ATP8A2: variants seen among roughly 807,000 people sequenced by gnomAD.
ATP8A2 encodes the protein phospholipid-transporting ATPase IB.
In ATP8A2, 100 loss-of-function variants were observed where a neutral mutation model predicts 165.6. The observed-to-expected ratio is 0.60, with a 90% CI of 0.51 to 0.71. The LOEUF is 0.71. ATP8A2 is among the 30% of genes least tolerant of loss of function. The pLI is 0.00. For synonymous variants in ATP8A2, 543 were observed against 548.8 expected, an observed-to-expected ratio of 0.99 and a Z score of 0.15; for missense variants, 1,227 against 1,479.5, an observed-to-expected ratio of 0.83 and a Z score of 2.80.
At chr13:25,421,273 A>G (rs1354909359) in intron 1 of ATP8A2, among the ~76,000 whole-genome samples, 1 of 152,190 alleles carries the variant, frequency 6.6e-6, no homozygotes, top group African/African-American at 2.4e-5. Flanking sequence ...ACTATGTGTG[A>G]GACACAGAAA....
intron 33 of ATP8A2, among the ~76,000 whole-genome samples, chr13:25,915,876 C>A (rs1025020269): frequency 7.2e-5 from 11 of 152,234 alleles, no homozygotes; most frequent in Non-Finnish European, 1.3e-4. Context: ...CCTTCCAAGA[C>A]TAAAATTATG....
chr13:25,388,018 G>A (rs2137956647), intron 1 of ATP8A2, among the ~76,000 whole-genome samples: 1 of 151,464 alleles, frequency 6.6e-6, no homozygotes, highest in East Asian at 1.9e-4. Context: ...AGCCAAGATT[G>A]CACCACTGCA....
At chr13:25,378,314 C>T (rs979007254) in intron 1 of ATP8A2, among the ~76,000 whole-genome samples, 1 of 151,578 alleles carries the variant, frequency 6.6e-6, no homozygotes, top group African/African-American at 2.4e-5. Flanking sequence ...AAAAAGTGAT[C>T]TAATCCTCAT....
At chr13:25,677,640 C>A (rs957321092) in intron 24 of ATP8A2, among the ~76,000 whole-genome samples, 11 of 152,128 alleles carry the variant, frequency 7.2e-5, no homozygotes, top group Non-Finnish European at 1.6e-4. Flanking sequence ...AGATTTTGAT[C>A]TTGGTGAAGG....
chr13:25,647,050 G>A (rs1391641196), intron 24 of ATP8A2, among the ~76,000 whole-genome samples: 2 of 152,090 alleles, frequency 1.3e-5, no homozygotes, highest in African/African-American at 2.4e-5. Context: ...GTCAGAATTT[G>A]TCATTTTGTA....
chr13:25,480,537 C>T (rs1405259675), intron 2 of ATP8A2, among the ~76,000 whole-genome samples: 1 of 149,102 alleles, frequency 6.7e-6, no homozygotes, highest in Admixed American at 6.6e-5. Context: ...GGCAAAGGCG[C>T]TCCCCACATC....
chr13:25,639,273 G>C (rs999332036), intron 24 of ATP8A2, among the ~76,000 whole-genome samples: 1 of 152,146 alleles, frequency 6.6e-6, no homozygotes, highest in Non-Finnish European at 1.5e-5. Context: ...AAATGTAAAT[G>C]GGCTGAATGC....
chr13:25,548,044 T>G (rs1256085409), intron 10 of ATP8A2, among the ~76,000 whole-genome samples: 2 of 152,072 alleles, frequency 1.3e-5, no homozygotes, highest in Non-Finnish European at 2.9e-5. Flanking sequence ...GGCAACATGG[T>G]GAGACCCCTG....
At chr13:26,019,833 G>A in intron 36 of ATP8A2, 55 bp from the exon 37 acceptor site, 4 of 1,301,414 alleles carry the variant, frequency 3.1e-6, no homozygotes, top group East Asian at 4.6e-5. Context: ...TTTAAACCTA[G>A]TGTGCTCCCC....
intron 24 of ATP8A2, among the ~76,000 whole-genome samples, chr13:25,618,481 C>T (rs925983380): frequency 2.6e-5 from 4 of 152,048 alleles, no homozygotes; most frequent in African/African-American, 9.7e-5. Flanking sequence ...CACACAATAG[C>T]CCTCCTGTGG....
chr13:25,828,966 C>G (rs1182788552), intron 28 of ATP8A2, among the ~76,000 whole-genome samples: 4 of 152,178 alleles, frequency 2.6e-5, no homozygotes, highest in African/African-American at 9.7e-5. Context: ...TGGGAATTTA[C>G]ATTCTGAAGC....
At chr13:25,989,361 G>A (rs1225478274) in intron 35 of ATP8A2, among the ~76,000 whole-genome samples, 1 of 152,194 alleles carries the variant, frequency 6.6e-6, no homozygotes, top group Non-Finnish European at 1.5e-5. Context: ...AGTCATATCA[G>A]AGATATCAAT....
chr13:25,844,424 T>C (rs1023505338), intron 30 of ATP8A2, among the ~76,000 whole-genome samples: 12 of 152,012 alleles, frequency 7.9e-5, no homozygotes, highest in African/African-American at 2.9e-4. Context: ...AGAGATGGGG[T>C]TTCACCCTGT....
At chr13:25,865,909 A>G (rs1448058326) in intron 33 of ATP8A2, among the ~76,000 whole-genome samples, 1 of 152,140 alleles carries the variant, frequency 6.6e-6, no homozygotes, top group Admixed American at 6.5e-5. Flanking sequence ...AAAATACATG[A>G]TGATGTTTTT....
intron 24 of ATP8A2, among the ~76,000 whole-genome samples, chr13:25,674,787 C>T (rs941098894): frequency 2.6e-5 from 4 of 152,068 alleles, no homozygotes; most frequent in Non-Finnish European, 5.9e-5. Flanking sequence ...ATTAGAATGA[C>T]CACAATAGTA....
At chr13:25,728,889 C>G (rs535022133) in intron 25 of ATP8A2, among the ~76,000 whole-genome samples, 1 of 152,158 alleles carries the variant, frequency 6.6e-6, no homozygotes, top group Non-Finnish European at 1.5e-5. Flanking sequence ...TTCTCATATG[C>G]GTGCTCCTTG....
intron 24 of ATP8A2, among the ~76,000 whole-genome samples, chr13:25,593,454 A>G (rs751516718): frequency 1.3e-5 from 2 of 152,226 alleles, no homozygotes; most frequent in Admixed American, 1.3e-4. Flanking sequence ...TCTAAGCTCC[A>G]TAATATAGAT....
At chr13:25,718,990 C>T (rs1361499983) in intron 25 of ATP8A2, among the ~76,000 whole-genome samples, 6 of 152,142 alleles carry the variant, frequency 3.9e-5, no homozygotes, top group South Asian at 4.2e-4. Context: ...CTGCATGTTT[C>T]GGGGTTTCAG....
At chr13:25,854,875 A>G (rs940661970) in intron 30 of ATP8A2, among the ~76,000 whole-genome samples, 5 of 152,314 alleles carry the variant, frequency 3.3e-5, no homozygotes, top group Middle Eastern at 3.4e-3. Context: ...GGTTTTTAAT[A>G]TATTCACAGA....
Sources: gnomAD v4.1 joint callset for allele counts (sites outside exome capture counted in the v4.1 genomes callset) on GRCh38, gnomAD v4.1.1 for gene constraint, MANE v1.5 for transcripts, NCBI Gene and HGNC (gene_info 2026-07-23, HGNC 2026-07-21) for gene names.